TCF7L1: variants seen among roughly 807,000 people sequenced by gnomAD.
TCF7L1 encodes transcription factor 7-like 1.
In TCF7L1, 18 loss-of-function variants were observed where a neutral mutation model predicts 63.7. That is an observed-to-expected ratio of 0.28 (90% CI 0.20 to 0.42). The LOEUF is 0.42. TCF7L1 is among the 10% of genes least tolerant of loss of function. TCF7L1 has a pLI of 1.00. For missense variants in TCF7L1, 654 were observed against 779.3 expected, an observed-to-expected ratio of 0.84 and a Z score of 1.91; for synonymous variants, 355 against 340.9, an observed-to-expected ratio of 1.04 and a Z score of -0.46.
At chr2:85,172,938 C>T (rs1249006558) in intron 3 of TCF7L1, among the ~76,000 whole-genome samples, 1 of 152,212 alleles carries the variant, frequency 6.6e-6, no homozygotes, top group African/African-American at 2.4e-5. Flanking sequence ...CGTCTCCACT[C>T]GCTACCACAG....
At chr2:85,149,793 G>A (rs1332604229) in intron 3 of TCF7L1, among the ~76,000 whole-genome samples, 1 of 152,034 alleles carries the variant, frequency 6.6e-6, no homozygotes, top group East Asian at 1.9e-4. Flanking sequence ...CCAAAGTGCT[G>A]GGATTACAGG....
At chr2:85,280,824 GAGA>G (rs1392135457) in intron 3 of TCF7L1, among the ~76,000 whole-genome samples, 2 of 152,112 alleles carry the variant, frequency 1.3e-5, no homozygotes, top group East Asian at 3.9e-4. Context: ...GTGCAAGACA[GAGA>G]AGGAGAGAGA....
At chr2:85,301,921 T>C (rs1165773303) in intron 4 of TCF7L1, among the ~76,000 whole-genome samples, 1 of 150,610 alleles carries the variant, frequency 6.6e-6, no homozygotes, top group African/African-American at 2.4e-5. Context: ...AGGTCAGGAG[T>C]TCAAGACCAG....
At chr2:85,182,231 G>T (rs1048397103) in intron 3 of TCF7L1, among the ~76,000 whole-genome samples, 2 of 152,160 alleles carry the variant, frequency 1.3e-5, no homozygotes, top group Admixed American at 6.5e-5. Flanking sequence ...ACGTGATCTG[G>T]GGCACGGTCT....
intron 3 of TCF7L1, among the ~76,000 whole-genome samples, chr2:85,195,552 TC>T (rs1056184419): frequency 1.6e-4 from 24 of 152,154 alleles, no homozygotes; most frequent in African/African-American, 5.1e-4. Context: ...TTTTTTTCCT[TC>T]TTTCTTTTTT....
At chr2:85,307,605 C>T (rs757211463) in intron 10 of TCF7L1, 37 bp from the exon 11 acceptor site, 6 of 1,596,218 alleles carry the variant, frequency 3.8e-6, no homozygotes, top group East Asian at 2.2e-5. Context: ...GCATTCTTCT[C>T]TCCCAGCTTA....
At chr2:85,163,702 A>G (rs1678343442) in intron 3 of TCF7L1, among the ~76,000 whole-genome samples, 1 of 152,168 alleles carries the variant, frequency 6.6e-6, no homozygotes, top group Non-Finnish European at 1.5e-5. Context: ...TCTGAGATCA[A>G]GGTGTCGGCA....
intron 3 of TCF7L1, among the ~76,000 whole-genome samples, chr2:85,180,714 G>A (rs1266004292): frequency 1.3e-5 from 2 of 152,162 alleles, no homozygotes; most frequent in Non-Finnish European, 2.9e-5. Flanking sequence ...AGTGTTTCCT[G>A]TGCACCAGGA....
rs75114478 is a variant in TCF7L1 at position 85,279,590 on chromosome 2, C to A, written c.442-3905C>A. Among the ~76,000 whole-genome samples, 1,190 of 152,292 alleles carry A rather than the reference C, an allele frequency of 7.8e-3. 11 individuals are homozygous for A. The highest frequency in any genetic ancestry group is 0.027 in the African/African-American group (1,134 of 41,550). On this transcript the variant is annotated intron_variant, in intron 3 of 11. Coordinates refer to ENST00000282111, the MANE Select transcript of TCF7L1 (RefSeq NM_031283.3). Reference sequence around the variant, plus strand: ...GTTCTGGGAAGTTCAACTGTCCTTTCCTCAGAGTTGTGATGCAGAGGCCGT... The same window carrying A: ...GTTCTGGGAAGTTCAACTGTCCTTTACTCAGAGTTGTGATGCAGAGGCCGT...
intron 4 of TCF7L1, among the ~76,000 whole-genome samples, chr2:85,299,403 T>C (rs556739303): frequency 1.3e-5 from 2 of 150,816 alleles, no homozygotes; most frequent in African/African-American, 4.9e-5. Context: ...TACAAAAAAA[T>C]TAGCCGGACA....
chr2:85,188,422 C>G (rs560475246), intron 3 of TCF7L1, among the ~76,000 whole-genome samples: 1 of 152,192 alleles, frequency 6.6e-6, no homozygotes, highest in Non-Finnish European at 1.5e-5. Flanking sequence ...TCCCTGTACA[C>G]TTTTTTTCCA....
intron 3 of TCF7L1, among the ~76,000 whole-genome samples, chr2:85,163,294 T>A (rs760890834): frequency 9.2e-5 from 14 of 152,102 alleles, no homozygotes; most frequent in Non-Finnish European, 1.6e-4. Context: ...TCACTGAATA[T>A]CTGAATGAAA....
chr2:85,289,330 G>A (rs1415924338), intron 4 of TCF7L1, among the ~76,000 whole-genome samples: 2 of 152,044 alleles, frequency 1.3e-5, no homozygotes, highest in African/African-American at 2.4e-5. Context: ...CTGAGTTACA[G>A]GCAAATGGGG....
At chr2:85,288,940 C>T (rs1186525313) in intron 4 of TCF7L1, among the ~76,000 whole-genome samples, 1 of 152,108 alleles carries the variant, frequency 6.6e-6, no homozygotes, top group South Asian at 2.1e-4. Flanking sequence ...AGACAGGAAT[C>T]GCATCTGAGC....
At chr2:85,234,708 C>G (rs1680158344) in intron 3 of TCF7L1, among the ~76,000 whole-genome samples, 1 of 152,046 alleles carries the variant, frequency 6.6e-6, no homozygotes, top group Non-Finnish European at 1.5e-5. Flanking sequence ...ACAAAATCAC[C>G]ATGATGCTAA....
intron 3 of TCF7L1, among the ~76,000 whole-genome samples, chr2:85,269,252 T>G (rs1290888810): frequency 6.6e-6 from 1 of 152,198 alleles, no homozygotes; most frequent in Non-Finnish European, 1.5e-5. Flanking sequence ...TCACATAATC[T>G]TTGCCACATA....
rs1682058100 is a variant in TCF7L1 at position 85,304,477 on chromosome 2, TC to T, written c.845+140del. ...CCCACCTCTCTTTGATCAAGCATCT[TC>T]TCACGTCCCGCGCTCCCCACCCCCA... On this transcript the variant is annotated intron_variant, in intron 7 of 11. Transcript: ENST00000282111. 6.2e-6 allele frequency: 5 copies of T among 801,136 alleles called. No homozygotes were observed. In the East Asian group the frequency reaches 1.4e-4, roughly 22 times the overall value. 49.6% of individuals were successfully genotyped at this position (801,136 alleles called of 1,614,324 possible).
intron 3 of TCF7L1, among the ~76,000 whole-genome samples, chr2:85,250,581 C>T (rs976410818): frequency 7.9e-5 from 12 of 151,962 alleles, no homozygotes; most frequent in African/African-American, 2.7e-4. Context: ...GGATTACAGG[C>T]GCCGGCCACC....
chr2:85,157,717 G>A (rs989455353), intron 3 of TCF7L1, among the ~76,000 whole-genome samples: 1 of 152,224 alleles, frequency 6.6e-6, no homozygotes, highest in Non-Finnish European at 1.5e-5. Context: ...AACCCATGGG[G>A]TTTTCGGGTC....
Sources: allele counts gnomAD v4.1 joint callset (sites outside exome capture counted in the v4.1 genomes callset), GRCh38; gene constraint gnomAD v4.1.1; transcripts MANE v1.5; gene names NCBI Gene and HGNC (gene_info 2026-07-23, HGNC 2026-07-21).